The following TRIM2 variants were observed in gnomAD, a reference collection of about 807,000 sequenced individuals.
TRIM2 encodes the protein tripartite motif containing 2.
TRIM2 carries 20 observed loss-of-function variants against 75.2 expected under a neutral mutation model. The observed-to-expected ratio is 0.27, with a 90% CI of 0.19 to 0.39. TRIM2 has a LOEUF of 0.39. Among genes scored for constraint, TRIM2 ranks in the 10% least tolerant of loss-of-function variants. The pLI, the probability that TRIM2 is intolerant of heterozygous loss-of-function variation, is 1.00. For missense variants in TRIM2, 660 were observed against 990.8 expected (o/e 0.67, Z 4.48); for synonymous variants, 373 against 388.3 (o/e 0.96, Z 0.46).
intron 1 of TRIM2, among the ~76,000 whole-genome samples, chr4:153,189,643 G>A (rs6535904): frequency 0.25 from 37,996 of 152,032 alleles, 5,452 homozygotes; most frequent in African/African-American, 0.39. Context: ...GTAACTCTCA[G>A]GCTCATGCCT....
chr4:153,260,726 A>ACACACACAC (rs768881075), intron 1 of TRIM2, among the ~76,000 whole-genome samples: 20 of 101,686 alleles, frequency 2.0e-4, no homozygotes, highest in African/African-American at 6.7e-4. Context: ...ACACACACAC[A>ACACACACAC]TCATCATCAT....
chr4:153,315,408 C>A, intron 6 of TRIM2, 77 bp from the exon 7 acceptor site: 1 of 1,213,068 alleles, frequency 8.2e-7, no homozygotes. Context: ...CTGTGGAAAT[C>A]TGAATTATTC....
Position 153,276,055 on chromosome 4 carries a change from G to T in TRIM2, c.378G>T (p.Glu126Asp). The T allele has an allele frequency of 6.2e-7, 1 of 1,614,210 alleles. No individual in the cohort carries two copies. The highest frequency in any genetic ancestry group is 8.5e-7 in the Non-Finnish European group (1 of 1,180,044). ...AGCGAACTCCAGGCAGCAACGCTGA[G>T]GAGTCTTCCATCCTGGAGACAGTCA... ...VLQRTPGSNA[E>D]ESSILETVTA... The change falls in exon 3 of 12, where the codon GAG (glutamate) becomes GAT (aspartate). Residue 126 changes from glutamate (E) to aspartate (D), a missense_variant. By Grantham distance (45) the Glu-to-Asp change is conservative (BLOSUM62 2). This residue lies in a region of TRIM2 where 620 missense variants were observed against 891.0 expected (regional missense o/e 0.70). Coordinates refer to ENST00000338700, the MANE Select transcript of TRIM2 (RefSeq NM_015271.5).
chr4:153,200,245 T>G (rs1020706837), upstream of TRIM2, among the ~76,000 whole-genome samples: 1 of 152,210 alleles, frequency 6.6e-6, no homozygotes, highest in Non-Finnish European at 1.5e-5. Context: ...AGCTAATTTT[T>G]AAAATTGTTT....
chr4:153,232,581 G>C (rs1743935686), intron 1 of TRIM2, among the ~76,000 whole-genome samples: 1 of 152,120 alleles, frequency 6.6e-6, no homozygotes, highest in African/African-American at 2.4e-5. Flanking sequence ...AGGTGTTTTA[G>C]TGAGAGTGGA....
intron 1 of TRIM2, among the ~76,000 whole-genome samples, chr4:153,182,219 C>G (rs1376894665): frequency 6.6e-6 from 1 of 152,172 alleles, no homozygotes; most frequent in African/African-American, 2.4e-5. Flanking sequence ...AGGAGGGGCA[C>G]CTCCTAAGGC....
rs755890708 is a variant in TRIM2 at position 153,328,703 on chromosome 4, T to C, written c.2163+33T>C. The C allele has an allele frequency of 3.9e-6, 6 of 1,526,406 alleles. No homozygotes were observed. The South Asian group carries it at 4.0e-5, about 10-fold the overall frequency. 94.6% of individuals were successfully genotyped at this position (1,526,406 alleles called of 1,614,324 possible). A position where few individuals can be genotyped will look rare whatever the true frequency, so the allele number is the denominator to read the frequency against. On this transcript the variant is annotated intron_variant, in intron 11 of 11. Coordinates refer to ENST00000338700, the MANE Select transcript of TRIM2 (RefSeq NM_015271.5). The stretch of plus-strand genomic sequence containing the variant: ...AATGTGCTAATGTATATGGTTAGAG[T>C]GTTTGGTATTTGTTAAAAGTGAAGA...
chr4:153,235,331 T>C (rs998874142), intron 1 of TRIM2, among the ~76,000 whole-genome samples: 3 of 151,840 alleles, frequency 2.0e-5, no homozygotes, highest in Non-Finnish European at 4.4e-5. Context: ...GTTGCCCAGG[T>C]TGGAGTGCAG....
intron 1 of TRIM2, among the ~76,000 whole-genome samples, chr4:153,183,223 C>A (rs974815396): frequency 1.3e-5 from 2 of 152,192 alleles, no homozygotes; most frequent in African/African-American, 4.8e-5. Context: ...TGGTCTGCAC[C>A]AGCACTGGGC....
At position 153,337,775 on chromosome 4, in the gene TRIM2, G is replaced by A; in HGVS notation, c.*2809G>A. 3.0e-6 allele frequency: 3 copies of A among 985,810 alleles called. No homozygotes were observed. The highest frequency in any genetic ancestry group is 3.6e-6 in the Non-Finnish European group (3 of 829,932). 61.1% of individuals were successfully genotyped at this position (985,810 alleles called of 1,614,324 possible). ...TCTCTTTGTCAAGTGTATAGAACCTGTCATACATTCATGATAAGTAGCACT... is the reference window on the plus strand; with the variant it reads ...TCTCTTTGTCAAGTGTATAGAACCTATCATACATTCATGATAAGTAGCACT... On this transcript the variant is annotated 3_prime_UTR_variant, in exon 12 of 12. Transcript: ENST00000338700.
intron 1 of TRIM2, among the ~76,000 whole-genome samples, chr4:153,221,319 T>C (rs372308994): frequency 2.6e-5 from 4 of 152,090 alleles, no homozygotes; most frequent in Non-Finnish European, 5.9e-5. Flanking sequence ...TCCCAATTAC[T>C]GGGGAGGCTG....
chr4:153,172,028 G>A (rs978980370), intron 1 of TRIM2, among the ~76,000 whole-genome samples: 2 of 151,834 alleles, frequency 1.3e-5, no homozygotes, highest in Non-Finnish European at 2.9e-5. Context: ...TTACCTCAAA[G>A]GTGTCTTTCT....
chr4:153,316,814 C>T (rs1767691521), intron 8 of TRIM2, among the ~76,000 whole-genome samples: 1 of 143,936 alleles, frequency 6.9e-6, no homozygotes. Flanking sequence ...TACATTTGCT[C>T]ATAAAAAAAT....
chr4:153,292,203 G>T (rs758505924), intron 3 of TRIM2, among the ~76,000 whole-genome samples: 10 of 152,188 alleles, frequency 6.6e-5, no homozygotes, highest in Non-Finnish European at 1.3e-4. Flanking sequence ...TGTGATGTAT[G>T]CTATCACAAT....
intron 6 of TRIM2, among the ~76,000 whole-genome samples, chr4:153,297,461 C>G (rs777746103): frequency 5.3e-4 from 80 of 152,178 alleles, no homozygotes; most frequent in Non-Finnish European, 1.0e-3. Flanking sequence ...CTTATCAGAA[C>G]TATTCTAAGT....
intron 1 of TRIM2, among the ~76,000 whole-genome samples, chr4:153,175,598 T>G (rs1444493881): frequency 6.6e-6 from 1 of 151,676 alleles, no homozygotes; most frequent in Non-Finnish European, 1.5e-5. Context: ...TTTGGAAGAG[T>G]AAGGAGGTCA....
intron 1 of TRIM2, among the ~76,000 whole-genome samples, chr4:153,154,582 C>A (rs1729047904): frequency 6.6e-6 from 1 of 152,140 alleles, no homozygotes; most frequent in South Asian, 2.1e-4. Context: ...TTTAACCTGA[C>A]ATTGGAGGAT....
intron 1 of TRIM2, among the ~76,000 whole-genome samples, chr4:153,175,937 A>G (rs1217860111): frequency 6.6e-6 from 1 of 152,098 alleles, no homozygotes; most frequent in East Asian, 1.9e-4. Flanking sequence ...TCTCATACTT[A>G]GGAGGCTGAG....
intron 1 of TRIM2, among the ~76,000 whole-genome samples, chr4:153,217,392 A>G (rs1215460651): frequency 6.6e-6 from 1 of 152,188 alleles, no homozygotes; most frequent in South Asian, 2.1e-4. Flanking sequence ...AGATTTGGAC[A>G]GGGGAAGATG....
Sources: allele counts gnomAD v4.1 joint callset (sites outside exome capture counted in the v4.1 genomes callset), GRCh38; gene constraint gnomAD v4.1.1; regional missense constraint gnomAD v4.1.1; transcripts MANE v1.5; gene names NCBI Gene and HGNC (gene_info 2026-07-23, HGNC 2026-07-21).